SPA17: variants seen among roughly 807,000 people sequenced by gnomAD.
SPA17 encodes the protein sperm autoantigenic protein 17, also known as sperm surface protein Sp17.
A neutral mutation model predicts 13.8 loss-of-function variants in SPA17; 7 were observed. The ratio of observed to expected loss-of-function variants is 0.51; its 90% CI spans 0.29 to 0.95. SPA17 has a LOEUF of 0.95. Among genes scored for constraint, SPA17 ranks in the 40% least tolerant of loss-of-function variants. The pLI is 0.08. For synonymous variants in SPA17, 61 were observed against 59.0 expected, an observed-to-expected ratio of 1.03 and a Z score of -0.16; for missense variants, 170 against 179.3, an observed-to-expected ratio of 0.95 and a Z score of 0.30.
chr11:124,688,147 A>G (rs968646129), intron 3 of SPA17, among the ~76,000 whole-genome samples: 2 of 152,194 alleles, frequency 1.3e-5, no homozygotes, highest in Non-Finnish European at 2.9e-5. Context: ...CCAAGTTGCT[A>G]GGACTACAAA....
intron 4 of SPA17, among the ~76,000 whole-genome samples, chr11:124,692,045 G>A (rs948008745): frequency 6.6e-6 from 1 of 151,962 alleles, no homozygotes; most frequent in Admixed American, 6.6e-5. Flanking sequence ...TATGGGGAAG[G>A]GCAGACAGAA....
chr11:124,679,435 T>C (rs939001133), intron 2 of SPA17, among the ~76,000 whole-genome samples: 1 of 152,182 alleles, frequency 6.6e-6, no homozygotes, highest in Non-Finnish European at 1.5e-5. Context: ...TAAGCTAGTG[T>C]TATTAGGAAT....
chr11:124,694,257 T>G lies in SPA17; in HGVS notation c.313-46T>G, dbSNP rs186264137. On this transcript the variant is annotated intron_variant, in intron 4 of 4. Transcript: ENST00000227135. ...CCATTTATTTTTGTGGCATCAAAAC[T>G]ACGCCATATTTAAAGAGTCTCTTAC... 2.5e-4 allele frequency: 393 copies of G among 1,585,892 alleles called. 2 individuals carry two copies. The African/African-American group carries it at 4.5e-3, about 18-fold the overall frequency.
chr11:124,694,616 T>C lies in SPA17; in HGVS notation c.*170T>C. Reference sequence around the variant, plus strand: ...GTTTAATAAGCATACCATTGAAACATGCCACTTGAAGATTTCTCTGAGATC... The same window carrying C: ...GTTTAATAAGCATACCATTGAAACACGCCACTTGAAGATTTCTCTGAGATC... On this transcript the variant is annotated 3_prime_UTR_variant, in exon 5 of 5. Transcript: ENST00000227135. The C allele has an allele frequency of 1.2e-6, 1 of 824,386 alleles. No homozygotes were observed. The highest frequency in any genetic ancestry group is 1.8e-6 in the Non-Finnish European group (1 of 549,800). 51.1% of individuals were successfully genotyped at this position (824,386 alleles called of 1,614,324 possible). A position where few individuals can be genotyped will look rare whatever the true frequency, so the allele number is the denominator to read the frequency against.
intron 4 of SPA17, among the ~76,000 whole-genome samples, chr11:124,693,232 A>G (rs1290713058): frequency 6.6e-6 from 1 of 152,146 alleles, no homozygotes; most frequent in Non-Finnish European, 1.5e-5. Flanking sequence ...TAAAAGTTTA[A>G]GAGCTAGATT....
In SPA17 at chr11:124,691,686, A is replaced by G; in HGVS notation, c.226-10A>G. 1 of 1,591,954 alleles carries G rather than the reference A, an allele frequency of 6.3e-7. No homozygotes were observed. Among genetic ancestry groups the G allele is most frequent in the Non-Finnish European group, 8.6e-7 (1 of 1,169,144 alleles). On this transcript the variant is annotated splice_polypyrimidine_tract_variant and intron_variant, in intron 3 of 4. Transcript: ENST00000227135. Reference sequence around the variant, plus strand: ...ACATTGCTAATTGTGGCTCTCTCCTATCTGTCCAGGAGCAAGAACCACCTG... The same window carrying G: ...ACATTGCTAATTGTGGCTCTCTCCTGTCTGTCCAGGAGCAAGAACCACCTG...
chr11:124,674,688 C>G (rs1048360014), intron 1 of SPA17: 1 of 152,170 alleles, frequency 6.6e-6, no homozygotes, highest in Non-Finnish European at 1.5e-5. Context: ...CCCATCCCTC[C>G]CTCACACACA....
In SPA17 at chr11:124,695,107, A is replaced by AAAAAC. The variant is rs1943659286; in HGVS notation, c.*676_*680dup. On this transcript the variant is annotated 3_prime_UTR_variant, in exon 5 of 5. Transcript: ENST00000227135. ...GGGCGACAGAGCAAGACTCTGTCTC[A>AAAAAC]AAAACAAAACAAAACAAAAAAAAGC... The AAAAAC allele has an allele frequency of 1.3e-5, 2 of 152,750 alleles. No individual in the cohort carries two copies. The highest frequency in any genetic ancestry group is 1.3e-4 in the Admixed American group (2 of 15,288). 9.5% of individuals were successfully genotyped at this position (152,750 alleles called of 1,614,324 possible). A position where few individuals can be genotyped will look rare whatever the true frequency, so the allele number is the denominator to read the frequency against.
At chr11:124,692,310 G>A (rs567723619) in intron 4 of SPA17, among the ~76,000 whole-genome samples, 1 of 152,306 alleles carries the variant, frequency 6.6e-6, no homozygotes, top group South Asian at 2.1e-4. Context: ...GCCGGGCGTG[G>A]TGGCTCACGT....
rs547703352 is a variant in SPA17, at chr11:124,696,160, T to C, written c.*1714T>C. 1 of 152,384 alleles carries C rather than the reference T, an allele frequency of 6.6e-6. No homozygotes were observed. The highest frequency in any genetic ancestry group is 1.9e-4 in the East Asian group (1 of 5,186). 9.4% of individuals were successfully genotyped at this position (152,384 alleles called of 1,614,324 possible). Reference sequence around the variant, plus strand: ...CTAATATCCCCCTTCCTCTCCTCCTTAACCCCTCTCCTCCAGGCTTACAGA... The same window carrying C: ...CTAATATCCCCCTTCCTCTCCTCCTCAACCCCTCTCCTCCAGGCTTACAGA... On this transcript the variant is annotated 3_prime_UTR_variant, in exon 5 of 5. Coordinates refer to ENST00000227135, the MANE Select transcript of SPA17 (RefSeq NM_017425.4).
intron 2 of SPA17, among the ~76,000 whole-genome samples, chr11:124,677,607 C>A (rs1457685566): frequency 6.6e-6 from 1 of 151,858 alleles, no homozygotes; most frequent in Non-Finnish European, 1.5e-5. Flanking sequence ...TTAATTGCTT[C>A]AAAAATTCGG....
chr11:124,694,498 C>T lies in SPA17; in HGVS notation c.*52C>T. 1 of 1,547,590 alleles carries T rather than the reference C, an allele frequency of 6.5e-7. No homozygotes were observed. The highest frequency in any genetic ancestry group is 1.2e-5 in the South Asian group (1 of 81,024). ...ATGAAAAATAATCCAAATCCATCAACCTTCTTATTAATGTCATTTCTTCCT... is the reference window on the plus strand; with the variant it reads ...ATGAAAAATAATCCAAATCCATCAATCTTCTTATTAATGTCATTTCTTCCT... On this transcript the variant is annotated 3_prime_UTR_variant, in exon 5 of 5. Coordinates refer to ENST00000227135, the MANE Select transcript of SPA17 (RefSeq NM_017425.4).
rs1462586868 is a variant in SPA17, at chr11:124,676,531, C to A, written c.154+1113C>A. On this transcript the variant is annotated intron_variant, in intron 2 of 4. Coordinates refer to ENST00000227135, the MANE Select transcript of SPA17 (RefSeq NM_017425.4). ...CCCACACACACTGCATAGCTCCACCCCTTGCTTTTTTTGCCCTGCCCTAGC... is the reference window on the plus strand; with the variant it reads ...CCCACACACACTGCATAGCTCCACCACTTGCTTTTTTTGCCCTGCCCTAGC... Among the ~76,000 whole-genome samples, 3 of 152,226 alleles carry A rather than the reference C, an allele frequency of 2.0e-5. No homozygotes were observed. The East Asian group carries it at 5.8e-4, about 29-fold the overall frequency.
At chr11:124,689,042 G>A (rs1411964539) in intron 3 of SPA17, among the ~76,000 whole-genome samples, 1 of 152,186 alleles carries the variant, frequency 6.6e-6, no homozygotes, top group African/African-American at 2.4e-5. Context: ...TAGCAAAGCT[G>A]ATAAGACCAT....
At position 124,675,335 on chromosome 11, in the gene SPA17, C is replaced by A; in HGVS notation, c.71C>A (p.Thr24Lys). Reference sequence around the variant, plus strand: ...TTTGGGAATCTTCTTGAAGGGCTGACACGCGAGATTCTGAGAGAGCAACCG... The same window carrying A: ...TTTGGGAATCTTCTTGAAGGGCTGAAACGCGAGATTCTGAGAGAGCAACCG... Reference protein sequence around the residue: ...QGFGNLLEGLTREILREQPDN... With the variant: ...QGFGNLLEGLKREILREQPDN... The change falls in exon 2 of 5, where the codon ACA becomes AAA. Residue 24 changes from threonine to lysine, a missense_variant. Coordinates refer to ENST00000227135, the MANE Select transcript of SPA17 (RefSeq NM_017425.4). 1 of 1,614,002 alleles carries A rather than the reference C, an allele frequency of 6.2e-7. No individual in the cohort carries two copies. Among genetic ancestry groups the A allele is most frequent in the South Asian group, 1.1e-5 (1 of 91,090 alleles).
chr11:124,680,690 T>C (rs1017781192), intron 2 of SPA17, among the ~76,000 whole-genome samples: 6 of 152,116 alleles, frequency 3.9e-5, no homozygotes, highest in Admixed American at 1.3e-4. Context: ...AAAGAGTATA[T>C]ATTGAGATAC....
At position 124,696,452 on chromosome 11, in the gene SPA17, C is replaced by T. The variant is rs1224955222; in HGVS notation, c.*2006C>T. On this transcript the variant is annotated 3_prime_UTR_variant, in exon 5 of 5. Transcript: ENST00000227135. ...TTTTCAGTAATTCTCCTGTTATACA[C>T]ATAAAGTGACTAGCACTATGCATTC... is the stretch of plus-strand genomic sequence containing the variant. 6.6e-6 allele frequency: 1 copy of T among 151,336 alleles called. No homozygotes were observed. The highest frequency in any genetic ancestry group is 1.5e-5 in the Non-Finnish European group (1 of 67,922). 9.4% of individuals were successfully genotyped at this position (151,336 alleles called of 1,614,324 possible). A position where few individuals can be genotyped will look rare whatever the true frequency, so the allele number is the denominator to read the frequency against.
At chr11:124,681,172 T>A (rs1383106754) in intron 2 of SPA17, among the ~76,000 whole-genome samples, 1 of 152,152 alleles carries the variant, frequency 6.6e-6, no homozygotes, top group Non-Finnish European at 1.5e-5. Context: ...CTTTTCTAAA[T>A]ATCCCCAAAG....
intron 3 of SPA17, among the ~76,000 whole-genome samples, chr11:124,688,729 CAA>C (rs1042802408): frequency 1.3e-5 from 2 of 152,170 alleles, no homozygotes; most frequent in African/African-American, 4.8e-5. Context: ...TTGAGAAAAA[CAA>C]TCCTAAAATT....
Sources: gnomAD v4.1 joint callset for allele counts (sites outside exome capture counted in the v4.1 genomes callset) on GRCh38, gnomAD v4.1.1 for gene constraint, MANE v1.5 for transcripts, NCBI Gene and HGNC (gene_info 2026-07-23, HGNC 2026-07-21) for gene names.